The following PEX14 variants were observed in gnomAD, a reference collection of about 807,000 sequenced individuals.
PEX14 encodes peroxisomal biogenesis factor 14.
Under a neutral mutation model 49.5 loss-of-function variants are expected in PEX14, and 15 were observed. The observed-to-expected ratio is 0.30, with a 90% confidence interval of 0.20 to 0.47. PEX14 has a LOEUF of 0.47. Among genes scored for constraint, PEX14 ranks in the 20% least tolerant of loss-of-function variants. The pLI is 1.00. For synonymous variants in PEX14, 210 were observed against 212.7 expected (o/e 0.99, Z 0.11); for missense variants, 398 against 494.8 (o/e 0.80, Z 1.86).
intron 3 of PEX14, among the ~76,000 whole-genome samples, chr1:10,568,308 A>C (rs1639868470): frequency 7.4e-6 from 1 of 135,940 alleles, no homozygotes; most frequent in Admixed American, 8.5e-5. Context: ...ACACATATAC[A>C]CAAGTAGATA....
intron 3 of PEX14, among the ~76,000 whole-genome samples, chr1:10,560,410 T>C (rs374261160): frequency 4.6e-5 from 7 of 152,106 alleles, no homozygotes; most frequent in East Asian, 1.9e-4. Flanking sequence ...GAATAGCGTA[T>C]GAACACCCAA....
At chr1:10,594,191 C>G (rs1371409797) in intron 3 of PEX14, among the ~76,000 whole-genome samples, 1 of 152,154 alleles carries the variant, frequency 6.6e-6, no homozygotes, top group Non-Finnish European at 1.5e-5. Context: ...AATAAAAATA[C>G]TTTTCCCCTT....
At chr1:10,536,615 G>T in intron 3 of PEX14, 1 of 353,872 alleles carries the variant, frequency 2.8e-6, no homozygotes, top group South Asian at 2.9e-5. Context: ...TCTGCTCTGT[G>T]TCAGTGACCC....
chr1:10,525,333 A>C (rs1638440955), intron 2 of PEX14, among the ~76,000 whole-genome samples: 1 of 152,056 alleles, frequency 6.6e-6, no homozygotes, highest in South Asian at 2.1e-4. Flanking sequence ...AAAAAAAAAA[A>C]GACATTTTCC....
intron 2 of PEX14, among the ~76,000 whole-genome samples, chr1:10,526,221 A>ATTT (rs35251972): frequency 3.9e-5 from 5 of 127,142 alleles, no homozygotes; most frequent in Non-Finnish European, 4.9e-5. Flanking sequence ...CGCCCGGCTG[A>ATTT]TTTTTTTTTT....
intron 1 of PEX14, among the ~76,000 whole-genome samples, chr1:10,493,573 G>A (rs947641085): frequency 6.6e-6 from 1 of 152,076 alleles, no homozygotes; most frequent in African/African-American, 2.4e-5. Context: ...GAGTACAAGC[G>A]CACACCACCA....
intron 3 of PEX14, among the ~76,000 whole-genome samples, chr1:10,540,698 A>G (rs1638977159): frequency 6.6e-6 from 1 of 152,206 alleles, no homozygotes; most frequent in Admixed American, 6.5e-5. Context: ...TGAAGCCAGA[A>G]GTCTTTTCAC....
chr1:10,616,626 C>T lies in PEX14; in HGVS notation c.299-1706C>T, dbSNP rs897025702. Among the ~76,000 whole-genome samples the T allele has an allele frequency of 9.2e-5, 14 of 152,250 alleles. 1 individual carries two copies. In the Middle Eastern group the frequency reaches 0.01, roughly 111 times the overall value. Reference sequence around the variant, plus strand: ...ATCCTTCGGGGGGAGGCAGAGCACCCGCCACGTGGCCTGGAGATGGCCGCT... The same window carrying T: ...ATCCTTCGGGGGGAGGCAGAGCACCTGCCACGTGGCCTGGAGATGGCCGCT... On this transcript the variant is annotated intron_variant, in intron 4 of 8. Coordinates refer to ENST00000356607, the MANE Select transcript of PEX14 (RefSeq NM_004565.3).
chr1:10,537,341 ACCCCC>A (rs34410254), intron 3 of PEX14, among the ~76,000 whole-genome samples: 2 of 28,430 alleles, frequency 7.0e-5, no homozygotes, highest in African/African-American at 2.8e-4. Context: ...TTGTGCCAGC[ACCCCC>A]CCCCCCCGCC....
intron 2 of PEX14, among the ~76,000 whole-genome samples, chr1:10,519,280 T>G (rs926615916): frequency 3.9e-5 from 6 of 152,168 alleles, no homozygotes; most frequent in African/African-American, 1.4e-4. Context: ...ATGCAGTCCT[T>G]TAGCAGCTCT....
rs34318995 is a variant in PEX14, at chr1:10,535,776, C to CGTGT, written c.85-423_85-420dup. Reference sequence around the variant, plus strand: ...ATAAAAGGGCTGTGCTGATAGAGAACGTGTGTGTGTGTGTGTGCGTGTGTA... The same window carrying CGTGT: ...ATAAAAGGGCTGTGCTGATAGAGAACGTGTGTGTGTGTGTGTGTGTGCGTGTGTA... On this transcript the variant is annotated intron_variant, in intron 2 of 8. Coordinates refer to ENST00000356607, the MANE Select transcript of PEX14 (RefSeq NM_004565.3). 1,282 of 275,398 alleles carry CGTGT rather than the reference C, an allele frequency of 4.7e-3. 2 individuals carry two copies. The highest frequency in any genetic ancestry group is 7.0e-3 in the Non-Finnish European group (977 of 139,064). The allele number at this position is 275,398 out of a possible 1,614,324, so 17.1% of individuals were successfully genotyped here. A position where few individuals can be genotyped will look rare whatever the true frequency, so the allele number is the denominator to read the frequency against.
intron 4 of PEX14, among the ~76,000 whole-genome samples, chr1:10,599,945 G>C (rs1246574381): frequency 6.6e-6 from 1 of 152,098 alleles, no homozygotes; most frequent in Non-Finnish European, 1.5e-5. Flanking sequence ...TGACCCATGA[G>C]GGGTCTTTCG....
At chr1:10,527,626 A>G (rs1044107118) in intron 2 of PEX14, among the ~76,000 whole-genome samples, 5 of 150,760 alleles carry the variant, frequency 3.3e-5, no homozygotes, top group Admixed American at 2.0e-4. Context: ...GTCATTCTCT[A>G]ATTTTCTTAT....
At chr1:10,478,090 A>G (rs60321516) in intron 1 of PEX14, among the ~76,000 whole-genome samples, 17,689 of 151,750 alleles carry the variant, frequency 0.12, 1,274 homozygotes, top group South Asian at 0.22. Context: ...GTTTCACCAT[A>G]TTGGACAAGC....
At chr1:10,546,765 A>T (rs1639188298) in intron 3 of PEX14, among the ~76,000 whole-genome samples, 1 of 145,716 alleles carries the variant, frequency 6.9e-6, no homozygotes, top group Admixed American at 6.9e-5. Context: ...GCTGCTCAGG[A>T]GGCTGAGGCA....
At chr1:10,556,702 C>T (rs1268783417) in intron 3 of PEX14, among the ~76,000 whole-genome samples, 1 of 148,602 alleles carries the variant, frequency 6.7e-6, no homozygotes, top group Non-Finnish European at 1.5e-5. Context: ...ATCAAAACTT[C>T]TTTAGTTTTG....
chr1:10,490,341 GGCAGAT>G (rs1223867095), intron 1 of PEX14, among the ~76,000 whole-genome samples: 1 of 152,094 alleles, frequency 6.6e-6, no homozygotes, highest in African/African-American at 2.4e-5. Flanking sequence ...GCAGTTACTG[GGCAGAT>G]GCAGGATGGG....
chr1:10,518,049 C>G (rs1350661178), intron 2 of PEX14, among the ~76,000 whole-genome samples: 1 of 152,008 alleles, frequency 6.6e-6, no homozygotes, highest in Non-Finnish European at 1.5e-5. Context: ...AAATTTCAGA[C>G]CTTTATGGGA....
intron 1 of PEX14, among the ~76,000 whole-genome samples, chr1:10,482,328 C>T (rs542718746): frequency 2.0e-5 from 3 of 151,744 alleles, no homozygotes; most frequent in Admixed American, 2.0e-4. Flanking sequence ...GGGGGATTCA[C>T]CATGTTGGCC....
Sources: gnomAD v4.1 joint callset for allele counts (sites outside exome capture counted in the v4.1 genomes callset) on GRCh38, gnomAD v4.1.1 for gene constraint, MANE v1.5 for transcripts, NCBI Gene and HGNC (gene_info 2026-07-23, HGNC 2026-07-21) for gene names.